Variants in MACROD2 observed in about 807,000 individuals in gnomAD.
MACROD2 encodes mono-ADP ribosylhydrolase 2, also known as ADP-ribose glycohydrolase MACROD2.
In MACROD2, 36 loss-of-function variants were observed where a neutral mutation model predicts 70.4. That is an observed-to-expected ratio of 0.51 (90% CI 0.39 to 0.68). The LOEUF (loss-of-function observed/expected upper bound fraction) is 0.68, where lower values mean the gene tolerates loss of function less well. Ranked by LOEUF, MACROD2 falls within the 30% of genes least tolerant of loss-of-function variation. The pLI is 0.00. For missense variants in MACROD2, 496 were observed against 538.4 expected, an observed-to-expected ratio of 0.92 and a Z score of 0.78; for synonymous variants, 172 against 178.8, an observed-to-expected ratio of 0.96 and a Z score of 0.30.
chr20:15,596,561 A>C (rs546492378), intron 8 of MACROD2, among the ~76,000 whole-genome samples: 1 of 152,360 alleles, frequency 6.6e-6, no homozygotes, highest in East Asian at 1.9e-4. Context: ...GGAAATCCAG[A>C]ATGCTCTGAG....
At chr20:15,673,335 T>A (rs1488479541) in intron 8 of MACROD2, among the ~76,000 whole-genome samples, 1 of 152,252 alleles carries the variant, frequency 6.6e-6, no homozygotes, top group East Asian at 1.9e-4. Flanking sequence ...ACGTCATTTT[T>A]AAATACTTGC....
intron 8 of MACROD2, among the ~76,000 whole-genome samples, chr20:15,729,583 A>G (rs984591072): frequency 6.6e-6 from 1 of 152,104 alleles, no homozygotes; most frequent in Admixed American, 6.5e-5. Context: ...TTGAGTGCAT[A>G]TATATTTAGG....
At chr20:14,223,766 G>A (rs566574779) in intron 3 of MACROD2, among the ~76,000 whole-genome samples, 2 of 152,180 alleles carry the variant, frequency 1.3e-5, no homozygotes, top group South Asian at 4.2e-4. Context: ...CCAAAGTGCT[G>A]GGAGTACAGG....
chr20:15,251,487 C>G lies in MACROD2; in HGVS notation c.540+21426C>G, dbSNP rs889095387. On this transcript the variant is annotated intron_variant, in intron 6 of 17. Transcript: ENST00000684519. ...CAGAAAATAACAACAGCAAAAAGCC[C>G]ATAAAACAAATTGCATCCCCTATAT... 2.0e-5 allele frequency among the ~76,000 whole-genome samples: 3 copies of G among 152,142 alleles called. No homozygotes were observed. The South Asian group carries it at 6.2e-4, about 32-fold the overall frequency.
At chr20:15,310,962 G>A (rs776939006) in intron 6 of MACROD2, among the ~76,000 whole-genome samples, 4 of 152,172 alleles carry the variant, frequency 2.6e-5, no homozygotes, top group East Asian at 3.9e-4. Flanking sequence ...AATAGTGGTC[G>A]GCATTGTTTC....
At chr20:15,554,558 A>G (rs1300564512) in intron 8 of MACROD2, among the ~76,000 whole-genome samples, 7 of 152,114 alleles carry the variant, frequency 4.6e-5, no homozygotes, top group African/African-American at 1.7e-4. Context: ...AAAAAAAAAA[A>G]AAAGAAATAT....
At chr20:14,662,349 A>G (rs1021447363) in intron 4 of MACROD2, among the ~76,000 whole-genome samples, 5 of 152,170 alleles carry the variant, frequency 3.3e-5, no homozygotes, top group Admixed American at 1.3e-4. Context: ...AAAATGGATT[A>G]GAGACTTCAA....
chr20:14,175,173 G>A (rs1218020679), intron 3 of MACROD2, among the ~76,000 whole-genome samples: 4 of 152,282 alleles, frequency 2.6e-5, no homozygotes, highest in Non-Finnish European at 4.4e-5. Flanking sequence ...CTGTCCATCT[G>A]AGTGGGAGCT....
chr20:14,389,875 C>A (rs1459068658), intron 3 of MACROD2, among the ~76,000 whole-genome samples: 1 of 152,122 alleles, frequency 6.6e-6, no homozygotes, highest in Admixed American at 6.5e-5. Flanking sequence ...CCACTTCTAT[C>A]CAACATAGTA....
chr20:14,481,040 C>T (rs1321253836), intron 3 of MACROD2, among the ~76,000 whole-genome samples: 1 of 151,898 alleles, frequency 6.6e-6, no homozygotes, highest in Non-Finnish European at 1.5e-5. Context: ...ATTTGATTGT[C>T]CTAAAGTCAA....
intron 15 of MACROD2, among the ~76,000 whole-genome samples, chr20:16,028,115 T>G (rs1385629990): frequency 6.6e-6 from 1 of 152,220 alleles, no homozygotes; most frequent in East Asian, 1.9e-4. Flanking sequence ...AAGCTGGAAC[T>G]CCTTTGAAAC....
intron 15 of MACROD2, among the ~76,000 whole-genome samples, chr20:16,006,950 G>A (rs775114): frequency 0.22 from 33,387 of 152,082 alleles, 3,758 homozygotes; most frequent in South Asian, 0.29. Context: ...ATGGAGATGT[G>A]CCTGTATTAA....
At chr20:14,420,988 CAGCCTTGAAAGTGTTCT>C (rs1211472981) in intron 3 of MACROD2, among the ~76,000 whole-genome samples, 1 of 152,210 alleles carries the variant, frequency 6.6e-6, no homozygotes, top group Non-Finnish European at 1.5e-5. Flanking sequence ...CTACTATGCC[CAGCCTTGAAAGTGTTCT>C]TTGATACACA....
At chr20:14,030,949 A>G (rs2053239849) in intron 2 of MACROD2, among the ~76,000 whole-genome samples, 2 of 152,198 alleles carry the variant, frequency 1.3e-5, no homozygotes, top group Admixed American at 6.5e-5. Context: ...GCATAGATAT[A>G]TCGTTTTCTT....
intron 4 of MACROD2, among the ~76,000 whole-genome samples, chr20:14,515,469 A>ACGCGCGCGCGCGCGCG (rs1555798354): frequency 1.1e-3 from 158 of 143,724 alleles, no homozygotes; most frequent in African/African-American, 4.0e-3. Flanking sequence ...ACACACGCAC[A>ACGCGCGCGCGCGCGCG]CACACACACA....
intron 6 of MACROD2, among the ~76,000 whole-genome samples, chr20:15,379,780 A>G (rs574685859): frequency 6.6e-5 from 10 of 152,212 alleles, no homozygotes; most frequent in African/African-American, 2.4e-4. Flanking sequence ...CCTCTAACTC[A>G]ATCTCTAAAC....
intron 6 of MACROD2, among the ~76,000 whole-genome samples, chr20:15,244,294 C>A (rs908087468): frequency 2.6e-5 from 4 of 152,158 alleles, no homozygotes; most frequent in Non-Finnish European, 5.9e-5. Context: ...GTTAATGAGA[C>A]TTAAGAAATC....
chr20:15,916,850 G>A (rs190178946), intron 10 of MACROD2, among the ~76,000 whole-genome samples: 6 of 152,162 alleles, frequency 3.9e-5, no homozygotes, highest in African/African-American at 7.2e-5. Context: ...TCAGGTATGC[G>A]GTTTCCTAGG....
At chr20:14,279,282 A>G (rs2082284656) in intron 3 of MACROD2, among the ~76,000 whole-genome samples, 1 of 152,212 alleles carries the variant, frequency 6.6e-6, no homozygotes, top group Admixed American at 6.5e-5. Context: ...AACAAAAACA[A>G]ACAAACAAAA....
Sources: allele counts gnomAD v4.1 joint callset (sites outside exome capture counted in the v4.1 genomes callset), GRCh38; gene constraint gnomAD v4.1.1; transcripts MANE v1.5; gene names NCBI Gene and HGNC (gene_info 2026-07-23, HGNC 2026-07-21).